Variants in ENTREP2 observed in about 807,000 individuals in gnomAD.
ENTREP2 encodes the protein protein ENTREP2.
chr15:29,402,809 TTC>T, the ENTREP2 span, among the ~76,000 whole-genome samples: 1 of 152,322 alleles, frequency 6.6e-6, no homozygotes. Flanking sequence ...CTCTTTATTT[TTC>T]TGTTTCCCAT....
chr15:29,341,571 G>A, the ENTREP2 span, among the ~76,000 whole-genome samples: 1 of 152,170 alleles, frequency 6.6e-6, no homozygotes, highest in Non-Finnish European at 1.5e-5. Flanking sequence ...TGCAACACAC[G>A]CTCACATGTT....
chr15:29,626,118 G>A, the ENTREP2 span, among the ~76,000 whole-genome samples: 1 of 152,070 alleles, frequency 6.6e-6, no homozygotes, highest in East Asian at 1.9e-4. Flanking sequence ...AACTTAGAAT[G>A]GTTTCTTCAT....
chr15:29,622,324 G>A, the ENTREP2 span, among the ~76,000 whole-genome samples: 1 of 151,992 alleles, frequency 6.6e-6, no homozygotes, highest in Non-Finnish European at 1.5e-5. Context: ...TCCTGCTTCA[G>A]CCTCCCAAGT....
chr15:29,597,283 C>T, the ENTREP2 span, among the ~76,000 whole-genome samples: 19 of 152,152 alleles, frequency 1.2e-4, no homozygotes, highest in Admixed American at 5.9e-4. Context: ...TCATCCATAA[C>T]TAGAGTCAGG....
the ENTREP2 span, among the ~76,000 whole-genome samples, chr15:29,196,013 A>C: frequency 6.6e-6 from 1 of 152,224 alleles, no homozygotes; most frequent in Admixed American, 6.5e-5. Flanking sequence ...AATGCTACAC[A>C]TAAGAATAGA....
the ENTREP2 span, among the ~76,000 whole-genome samples, chr15:29,257,190 C>T: frequency 1.3e-5 from 2 of 152,096 alleles, no homozygotes; most frequent in African/African-American, 4.8e-5. Context: ...TCTCCTGCCT[C>T]AGCCTCTCAA....
At chr15:29,185,280 A>C in the ENTREP2 span, among the ~76,000 whole-genome samples, 1 of 152,064 alleles carries the variant, frequency 6.6e-6, no homozygotes. Flanking sequence ...ACCAGTGCCT[A>C]TCGGTTTCGG....
the ENTREP2 span, among the ~76,000 whole-genome samples, chr15:29,428,335 T>G: frequency 6.6e-6 from 1 of 152,168 alleles, no homozygotes; most frequent in Non-Finnish European, 1.5e-5. Flanking sequence ...TGCTTCAGCC[T>G]CCCGAGTAGC....
chr15:29,163,951 G>T, the ENTREP2 span, among the ~76,000 whole-genome samples: 2 of 152,218 alleles, frequency 1.3e-5, no homozygotes, highest in Non-Finnish European at 2.9e-5. Context: ...AAACCTATCA[G>T]ATTAACAGCA....
At chr15:29,276,106 C>T in the ENTREP2 span, among the ~76,000 whole-genome samples, 1 of 152,168 alleles carries the variant, frequency 6.6e-6, no homozygotes, top group Non-Finnish European at 1.5e-5. Flanking sequence ...ACACTTTGTC[C>T]CTCATAAATG....
chr15:29,240,983 C>T, the ENTREP2 span, among the ~76,000 whole-genome samples: 6 of 152,120 alleles, frequency 3.9e-5, no homozygotes, highest in Admixed American at 2.6e-4. Flanking sequence ...AGCTTATGTC[C>T]AAACATATAC....
chr15:29,633,688 C>T, the ENTREP2 span, among the ~76,000 whole-genome samples: 8 of 152,130 alleles, frequency 5.3e-5, no homozygotes, highest in African/African-American at 7.2e-5. Context: ...GGGCCGGGCA[C>T]GGTGGCTCAC....
chr15:29,627,019 T>C, the ENTREP2 span, among the ~76,000 whole-genome samples: 1 of 152,170 alleles, frequency 6.6e-6, no homozygotes, highest in South Asian at 2.1e-4. Flanking sequence ...ATTTTTTCCT[T>C]CTTTTCCTGG....
At chr15:29,257,390 G>A in the ENTREP2 span, among the ~76,000 whole-genome samples, 1 of 152,206 alleles carries the variant, frequency 6.6e-6, no homozygotes, top group South Asian at 2.1e-4. Context: ...AATTTATTAA[G>A]CCAGATCCCT....
At chr15:29,585,021 AGATAGATAGAT>A in the ENTREP2 span, among the ~76,000 whole-genome samples, 1 of 152,034 alleles carries the variant, frequency 6.6e-6, no homozygotes, top group Non-Finnish European at 1.5e-5. Context: ...ATAGATAGAT[AGATAGATAGAT>A]GATGGATAGA....
At chr15:29,550,855 C>T in the ENTREP2 span, among the ~76,000 whole-genome samples, 1 of 152,182 alleles carries the variant, frequency 6.6e-6, no homozygotes, top group Non-Finnish European at 1.5e-5. Flanking sequence ...AGGGACCTCA[C>T]ACATCATCTT....
the ENTREP2 span, among the ~76,000 whole-genome samples, chr15:29,444,177 A>C: frequency 0.092 from 1,987 of 21,500 alleles, 176 homozygotes; most frequent in African/African-American, 0.15. Context: ...AGACAAAGAA[A>C]GAAAGAAAGA....
chr15:29,321,686 TAA>T, the ENTREP2 span, among the ~76,000 whole-genome samples: 6 of 144,084 alleles, frequency 4.2e-5, no homozygotes, highest in East Asian at 1.2e-3. Context: ...GAAAAAGAAA[TAA>T]AGACTTTTTC....
At chr15:29,527,263 C>A in the ENTREP2 span, among the ~76,000 whole-genome samples, 15 of 152,222 alleles carry the variant, frequency 9.9e-5, no homozygotes, top group African/African-American at 3.6e-4. Context: ...ATCGGCCCAA[C>A]CTTTGCTGGG....
Sources: allele counts gnomAD v4.1 joint callset (sites outside exome capture counted in the v4.1 genomes callset), GRCh38; gene constraint gnomAD v4.1.1; transcripts MANE v1.5; gene names NCBI Gene and HGNC (gene_info 2026-07-23, HGNC 2026-07-21).